CCDC88C: variants seen among roughly 807,000 people sequenced by gnomAD.
The protein encoded by CCDC88C is protein Daple.
A neutral mutation model predicts 198.8 loss-of-function variants in CCDC88C; 131 were observed. The ratio of observed to expected loss-of-function variants is 0.66; its 90% CI spans 0.57 to 0.76. The LOEUF is 0.76. Among genes scored for constraint, CCDC88C ranks in the 30% least tolerant of loss-of-function variants. The probability of loss-of-function intolerance (pLI) is 0.00; values close to 1 mark genes in which losing one functional copy is unlikely to be tolerated. For missense variants in CCDC88C, 2,553 were observed against 2,631.6 expected (o/e 0.97, Z 0.65); for synonymous variants, 1,166 against 1,114.7 (o/e 1.05, Z -0.92).
At chr14:91,278,837 T>A (rs1230146862) in intron 28 of CCDC88C, among the ~76,000 whole-genome samples, 2 of 151,642 alleles carry the variant, frequency 1.3e-5, no homozygotes, top group Non-Finnish European at 2.9e-5. Context: ...CCCCTAGTCA[T>A]GTATTTTAAA....
At chr14:91,369,368 G>T (rs753868948) in intron 3 of CCDC88C, among the ~76,000 whole-genome samples, 5 of 152,066 alleles carry the variant, frequency 3.3e-5, no homozygotes, top group African/African-American at 7.2e-5. Flanking sequence ...CGTCATGTCC[G>T]GCTAATTTTC....
At chr14:91,277,832 C>T in intron 29 of CCDC88C, 90 bp downstream of exon 29, 1 of 1,395,826 alleles carries the variant, frequency 7.2e-7, no homozygotes, top group Non-Finnish European at 9.5e-7. Flanking sequence ...CACGCCACCC[C>T]CACCCCATCC....
chr14:91,359,253 C>A (rs975381133), intron 4 of CCDC88C, among the ~76,000 whole-genome samples: 8 of 118,598 alleles, frequency 6.7e-5, no homozygotes, highest in South Asian at 2.6e-4. Flanking sequence ...AAGCTCCGGG[C>A]CATTCTCCTG....
At chr14:91,372,528 C>CGGGG (rs199749681) in intron 3 of CCDC88C, among the ~76,000 whole-genome samples, 4 of 24,532 alleles carry the variant, frequency 1.6e-4, no homozygotes, top group Admixed American at 7.3e-4. Context: ...GGCAGTGGTG[C>CGGGG]GGGGGGGGGC....
At chr14:91,374,351 G>C (rs1894977041) in intron 3 of CCDC88C, among the ~76,000 whole-genome samples, 2 of 152,228 alleles carry the variant, frequency 1.3e-5, no homozygotes, top group Non-Finnish European at 2.9e-5. Context: ...AGGTCCATTT[G>C]ATCAATAGGT....
rs1337898540 is a variant in CCDC88C at position 91,337,464 on chromosome 14, T to G, written c.1050+541A>C. On this transcript the variant is annotated intron_variant, in intron 10 of 29. Coordinates refer to ENST00000389857, the MANE Select transcript of CCDC88C (RefSeq NM_001080414.4). The stretch of plus-strand genomic sequence containing the variant: ...AAGCAATCCTCCTGCCTCAGCCTCC[T>G]GAGTAGCTGGGACTGCAGGCACGTG... Among the ~76,000 whole-genome samples the G allele has an allele frequency of 4.6e-5, 7 of 152,218 alleles. 1 individual carries two copies. The highest frequency in any genetic ancestry group is 8.8e-5 in the Non-Finnish European group (6 of 68,044).
chr14:91,305,926 T>G lies in CCDC88C; in HGVS notation c.3196A>C (p.Asn1066His). ...TGCTTCTCAGCCTGCAGAGCTGCAT[T>G]CTAGAAGATCGGGAGGCATGAGCGA... ...KDRAIELERN[N>H]AALQAEKQLL... Residue 1066 changes from asparagine (N) to histidine (H), a missense_variant and splice_region_variant, in exon 19 of 30, where the codon AAT (asparagine) becomes CAT (histidine). Physicochemically the swap from Asn to His is moderately conservative, Grantham distance 68. This residue lies in a region of CCDC88C where 1,260 missense variants were observed against 1,412.0 expected (regional missense o/e 0.89). Transcript: ENST00000389857. 6.2e-7 allele frequency: 1 copy of G among 1,612,542 alleles called. No homozygotes were observed.
intron 3 of CCDC88C, among the ~76,000 whole-genome samples, chr14:91,386,542 C>T (rs1470970661): frequency 2.0e-5 from 3 of 152,194 alleles, no homozygotes; most frequent in African/African-American, 7.2e-5. Flanking sequence ...GCGCATGCCA[C>T]ACACACACCT....
intron 3 of CCDC88C, among the ~76,000 whole-genome samples, chr14:91,361,158 C>T (rs1038505976): frequency 4.7e-5 from 7 of 150,438 alleles, no homozygotes; most frequent in Non-Finnish European, 1.0e-4. Context: ...TCCAATTTTA[C>T]GGAAGACAAA....
intron 2 of CCDC88C, among the ~76,000 whole-genome samples, chr14:91,411,443 GTTA>G (rs951315823): frequency 2.0e-5 from 3 of 152,296 alleles, no homozygotes; most frequent in African/African-American, 7.2e-5. Flanking sequence ...ACAGGAAGAT[GTTA>G]TTATAACCGC....
rs1413538964 is a variant in CCDC88C at position 91,313,327 on chromosome 14, A to G, written c.2489T>C (p.Leu830Pro). ...RKALEQEVAQ[L>P]EKDKKLLEKE... ...CTCCAGCAGCTTCTTATCCTTCTCG[A>G]GCTGGGCCACCTCCTGCTCCAGGGC... Residue 830 changes from leucine (L) to proline (P), a missense_variant, in exon 15 of 30, where the codon CTC becomes CCC. Leu to Pro is a moderately conservative substitution (Grantham distance 98). Transcript: ENST00000389857. The surrounding 1 kb of genome is among the most constrained non-coding windows in gnomAD (Gnocchi z 5.2). The G allele has an allele frequency of 6.2e-7, 1 of 1,613,226 alleles. No individual in the cohort carries two copies. Among genetic ancestry groups the G allele is most frequent in the African/African-American group, 1.3e-5 (1 of 74,864 alleles).
chr14:91,397,225 T>G (rs1885899827), intron 3 of CCDC88C, among the ~76,000 whole-genome samples: 2 of 152,006 alleles, frequency 1.3e-5, no homozygotes, highest in African/African-American at 4.8e-5. Context: ...CTGGGCTCGG[T>G]GCTGTGCCCA....
rs550589688 is a variant in CCDC88C, at chr14:91,289,828, C to T, written c.4203-485G>A. On this transcript the variant is annotated intron_variant, in intron 24 of 29. Coordinates refer to ENST00000389857, the MANE Select transcript of CCDC88C (RefSeq NM_001080414.4). Reference sequence around the variant, plus strand: ...TAAAGAGTAAGCAATAACATCACAGCGAGCTGGACACCGAGGGCATCCTGG... The same window carrying T: ...TAAAGAGTAAGCAATAACATCACAGTGAGCTGGACACCGAGGGCATCCTGG... 2.6e-5 allele frequency among the ~76,000 whole-genome samples: 4 copies of T among 152,236 alleles called. No individual in the cohort carries two copies. In the South Asian group the frequency reaches 6.2e-4, roughly 24 times the overall value.
Position 91,272,378 on chromosome 14 carries a change from T to C in CCDC88C, c.*247A>G. 5 of 530,458 alleles carry C rather than the reference T, an allele frequency of 9.4e-6. No homozygotes were observed. The South Asian group carries it at 9.6e-5, about 10-fold the overall frequency. 32.9% of individuals were successfully genotyped at this position (530,458 alleles called of 1,614,324 possible). A position where few individuals can be genotyped will look rare whatever the true frequency, so the allele number is the denominator to read the frequency against. ...AATTGGTCCCCATGCTGACGTGGAT[T>C]ATTTGTTCCAAAGATATCAGCTGCT... is the stretch of plus-strand genomic sequence containing the variant. On this transcript the variant is annotated 3_prime_UTR_variant, in exon 30 of 30. Coordinates refer to ENST00000389857, the MANE Select transcript of CCDC88C (RefSeq NM_001080414.4).
In CCDC88C at chr14:91,313,930, C is replaced by CGCTCCCCCTTCTCCTTGGCCT. The variant is rs1567070203; in HGVS notation, c.1865_1885dup (p.Gln622_Glu628dup). The stretch of plus-strand genomic sequence containing the variant: ...TAGCTCCCTCTCCAGCTTCTCTGCC[C>CGCTCCCCCTTCTCCTTGGCCT]GCTCCCCCTTCTCCTTGGCCTGCTC... On this transcript the variant is annotated inframe_insertion, in exon 15 of 30. Coordinates refer to ENST00000389857, the MANE Select transcript of CCDC88C (RefSeq NM_001080414.4). This position sits in a 1 kb window ranked among gnomAD's most constrained non-coding sequence, Gnocchi z 5.2. 6.2e-7 allele frequency: 1 copy of CGCTCCCCCTTCTCCTTGGCCT among 1,612,928 alleles called. No homozygotes were observed.
intron 3 of CCDC88C, among the ~76,000 whole-genome samples, chr14:91,392,186 C>T (rs1323499890): frequency 6.6e-6 from 1 of 152,158 alleles, no homozygotes; most frequent in Non-Finnish European, 1.5e-5. Flanking sequence ...TCCAGCTCTC[C>T]CTTCCTGAAC....
At position 91,314,005 on chromosome 14, in the gene CCDC88C, C is replaced by T. The variant is rs1341076510; in HGVS notation, c.1811G>A (p.Gly604Asp). ...CTCAAACTCCAACTGGCTGAGCTTG[C>T]CATTGGCCTCCGTCACCGTCTGGTG... ...ALHQTVTEAN[G>D]KLSQLEFEKR... The change falls in exon 15 of 30, where the codon GGC (glycine) becomes GAC (aspartate). Residue 604 changes from glycine (G) to aspartate (D), a missense_variant. This residue lies in a region of CCDC88C where 1,260 missense variants were observed against 1,412.0 expected (regional missense o/e 0.89). Transcript: ENST00000389857. 6.2e-7 allele frequency: 1 copy of T among 1,613,904 alleles called. No individual in the cohort carries two copies. The highest frequency in any genetic ancestry group is 1.7e-5 in the Admixed American group (1 of 60,018).
At chr14:91,329,091 A>G (rs1892701063) in intron 10 of CCDC88C, among the ~76,000 whole-genome samples, 1 of 152,174 alleles carries the variant, frequency 6.6e-6, no homozygotes, top group Admixed American at 6.5e-5. Flanking sequence ...CCCACCCAGG[A>G]AACATCACCC....
At chr14:91,362,416 G>A (rs1894352585) in intron 3 of CCDC88C, among the ~76,000 whole-genome samples, 2 of 147,872 alleles carry the variant, frequency 1.4e-5, no homozygotes, top group African/African-American at 5.0e-5. Context: ...TGCAATATGT[G>A]AAATCATCCT....
Sources: gnomAD v4.1 joint callset for allele counts (sites outside exome capture counted in the v4.1 genomes callset) on GRCh38, gnomAD v4.1.1 for gene constraint, gnomAD v4.1.1 regional missense constraint, Gnocchi (gnomAD v3.1) non-coding constraint, MANE v1.5 for transcripts, NCBI Gene and HGNC (gene_info 2026-07-23, HGNC 2026-07-21) for gene names.